The following ANKRD24 variants were observed in gnomAD, a reference collection of about 807,000 sequenced individuals.
ANKRD24 encodes the protein ankyrin repeat domain-containing protein 24.
In ANKRD24, 109 loss-of-function variants were observed where a neutral mutation model predicts 127.8. The ratio of observed to expected loss-of-function variants is 0.85; its 90% CI spans 0.73 to 1.00. ANKRD24 has a LOEUF of 1.00. ANKRD24 is among the 50% of genes least tolerant of loss of function. The probability of loss-of-function intolerance (pLI) is 0.00; values close to 1 mark genes in which losing one functional copy is unlikely to be tolerated. For missense variants in ANKRD24, 1,648 were observed against 1,570.2 expected (o/e 1.05, Z -0.84); for synonymous variants, 743 against 671.1 (o/e 1.11, Z -1.66).
At position 4,212,117 on chromosome 19, in the gene ANKRD24, G is replaced by A. The variant is rs370422230; in HGVS notation, c.1060-358G>A. Among the ~76,000 whole-genome samples the A allele has an allele frequency of 9.2e-5, 14 of 151,722 alleles. No homozygotes were observed. In the East Asian group the frequency reaches 9.8e-4, roughly 11 times the overall value. The stretch of plus-strand genomic sequence containing the variant: ...TAGGAGGCTGAGGCAGGAGGATGGC[G>A]TGAGCCCAAGAGACGCAGCTTGCAG... On this transcript the variant is annotated intron_variant, in intron 13 of 21. Coordinates refer to ENST00000318934, the MANE Select transcript of ANKRD24 (RefSeq NM_001393985.1).
At chr19:4,197,595 CAATG>C (rs1390538602) in intron 2 of ANKRD24, among the ~76,000 whole-genome samples, 1 of 151,496 alleles carries the variant, frequency 6.6e-6, no homozygotes, top group African/African-American at 2.4e-5. Flanking sequence ...TGGGTGAGAC[CAATG>C]AATGAATGAA....
rs1761136395 is a variant in ANKRD24 at position 4,207,324 on chromosome 19, G to C, written c.537+12G>C. On this transcript the variant is annotated intron_variant, in intron 8 of 21. Coordinates refer to ENST00000318934, the MANE Select transcript of ANKRD24 (RefSeq NM_001393985.1). ...ACCCCCAAGATCGGGTAAGCTTCTG[G>C]GATCTCTTCAGGGAAGATGTTATGC... 6.2e-7 allele frequency: 1 copy of C among 1,612,640 alleles called. No homozygotes were observed.
intron 5 of ANKRD24, among the ~76,000 whole-genome samples, chr19:4,200,396 C>G (rs1259922360): frequency 6.6e-6 from 1 of 151,982 alleles, no homozygotes; most frequent in Non-Finnish European, 1.5e-5. Context: ...CAGTGGACAG[C>G]TTGTGGATGG....
intron 7 of ANKRD24, among the ~76,000 whole-genome samples, chr19:4,203,580 C>A (rs1250856418): frequency 6.6e-6 from 1 of 152,092 alleles, no homozygotes; most frequent in Non-Finnish European, 1.5e-5. Flanking sequence ...AACTCCTGGG[C>A]TCAAATGATC....
intron 2 of ANKRD24, among the ~76,000 whole-genome samples, chr19:4,194,400 A>G (rs1417915972): frequency 6.6e-6 from 1 of 152,280 alleles, no homozygotes; most frequent in African/African-American, 2.4e-5. Flanking sequence ...CGATCAGCCC[A>G]CCTTGGCCTC....
intron 19 of ANKRD24, 140 bp downstream of exon 19, chr19:4,219,898 A>G (rs1970353663): frequency 1.9e-6 from 2 of 1,037,714 alleles, no homozygotes; most frequent in African/African-American, 3.2e-5. Flanking sequence ...CAGAAACGGA[A>G]GGGGACCTGG....
rs141261036 is a variant in ANKRD24 at position 4,223,039 on chromosome 19, G to A, written c.3297+244G>A. The stretch of plus-strand genomic sequence containing the variant: ...CAGCTCACTGCAGCCTCCACCTTCC[G>A]GGTTTAAGCAATTTTCATGCCTTAG... On this transcript the variant is annotated intron_variant, in intron 20 of 21. Transcript: ENST00000318934. Among the ~76,000 whole-genome samples the A allele has an allele frequency of 4.9e-4, 75 of 151,972 alleles. 1 individual carries two copies. The highest frequency in any genetic ancestry group is 4.7e-3 in the Admixed American group (72 of 15,240).
intron 11 of ANKRD24, among the ~76,000 whole-genome samples, 161 bp from the exon 12 acceptor site, chr19:4,209,897 C>T (rs1969609687): frequency 6.8e-6 from 1 of 147,664 alleles, no homozygotes; most frequent in Non-Finnish European, 1.5e-5. Context: ...GTCTTGTCTG[C>T]GCTTTGCTGG....
rs1968925224 is a variant in ANKRD24 at position 4,198,852 on chromosome 19, G to A, written c.37-831G>A. On this transcript the variant is annotated intron_variant, in intron 2 of 21. Transcript: ENST00000318934. The surrounding 1 kb of genome is among the most constrained non-coding windows in gnomAD (Gnocchi z 6.1). Reference sequence around the variant, plus strand: ...GGGTCATTGAGGGGACAACTTGGAAGCTATTTTGGGAGAGCCGATTTTGCG... The same window carrying A: ...GGGTCATTGAGGGGACAACTTGGAAACTATTTTGGGAGAGCCGATTTTGCG... Among the ~76,000 whole-genome samples the A allele has an allele frequency of 6.6e-6, 1 of 152,174 alleles. No homozygotes were observed. Among genetic ancestry groups the A allele is most frequent in the Admixed American group, 6.5e-5 (1 of 15,272 alleles).
At chr19:4,186,166 A>T (rs1184484482) in intron 1 of ANKRD24, 1 of 1,071,442 alleles carries the variant, frequency 9.3e-7, no homozygotes, top group South Asian at 1.8e-5. Context: ...TCAAGAAAGG[A>T]TCATTTCTGT....
At chr19:4,223,395 ATATATATTTT>A (rs1162793143) in intron 20 of ANKRD24, among the ~76,000 whole-genome samples, 4 of 59,000 alleles carry the variant, frequency 6.8e-5, no homozygotes, top group African/African-American at 3.3e-4. Context: ...ATATATATAT[ATATATATTTT>A]TTTTTTTTTT....
chr19:4,184,560 A>G (rs768465006), intron 1 of ANKRD24, among the ~76,000 whole-genome samples: 1 of 152,006 alleles, frequency 6.6e-6, no homozygotes, highest in Non-Finnish European at 1.5e-5. Flanking sequence ...CTTATTTACC[A>G]TCACCTCTTC....
Position 4,207,239 on chromosome 19 carries a change from C to T in ANKRD24, c.467-3C>T. On this transcript the variant is annotated splice_region_variant and splice_polypyrimidine_tract_variant and intron_variant, in intron 7 of 21. Coordinates refer to ENST00000318934, the MANE Select transcript of ANKRD24 (RefSeq NM_001393985.1). ...GCACCGGACAACCTTTTCTCTTTTG[C>T]AGCGGCTGGTGGCTGTCTCTCCTGC... 1 of 1,613,672 alleles carries T rather than the reference C, an allele frequency of 6.2e-7. No individual in the cohort carries two copies. The highest frequency in any genetic ancestry group is 8.5e-7 in the Non-Finnish European group (1 of 1,179,776).
chr19:4,224,698 A>G lies in ANKRD24; in HGVS notation c.*193A>G. The stretch of plus-strand genomic sequence containing the variant: ...CCCCACCTGGTCTCTGCACGCACAC[A>G]CTGGTCAGTCTGGACCCGGGCCGTG... On this transcript the variant is annotated 3_prime_UTR_variant, in exon 22 of 22. Coordinates refer to ENST00000318934, the MANE Select transcript of ANKRD24 (RefSeq NM_001393985.1). 3.2e-6 allele frequency: 2 copies of G among 619,540 alleles called. No individual in the cohort carries two copies. The highest frequency in any genetic ancestry group is 1.8e-5 in the African/African-American group (1 of 54,750). 38.4% of individuals were successfully genotyped at this position (619,540 alleles called of 1,614,324 possible). A position where few individuals can be genotyped will look rare whatever the true frequency, so the allele number is the denominator to read the frequency against.
intron 19 of ANKRD24, among the ~76,000 whole-genome samples, chr19:4,220,047 C>T (rs1181427106): frequency 2.0e-5 from 3 of 152,124 alleles, no homozygotes; most frequent in Non-Finnish European, 4.4e-5. Context: ...GGCATGATCT[C>T]GGCTCACTGC....
Position 4,198,317 on chromosome 19 carries a change from G to A in ANKRD24, c.37-1366G>A, listed in dbSNP as rs1382525246. On this transcript the variant is annotated intron_variant, in intron 2 of 21. Coordinates refer to ENST00000318934, the MANE Select transcript of ANKRD24 (RefSeq NM_001393985.1). The surrounding 1 kb of genome is among the most constrained non-coding windows in gnomAD (Gnocchi z 6.1). The stretch of plus-strand genomic sequence containing the variant: ...CCGTGGGGGAGGGGGCTGGCGAGGA[G>A]GGCAAGGGGGAGGGGGCGGCACCAG... 4.8e-6 allele frequency: 2 copies of A among 416,136 alleles called. No individual in the cohort carries two copies. The highest frequency in any genetic ancestry group is 7.1e-5 in the East Asian group (2 of 28,010). The allele number at this position is 416,136 out of a possible 1,614,324, so 25.8% of individuals were successfully genotyped here.
chr19:4,224,764 T>C lies in ANKRD24; in HGVS notation c.*259T>C. The C allele has an allele frequency of 1.9e-6, 1 of 530,794 alleles. No homozygotes were observed. Among genetic ancestry groups the C allele is most frequent in the Non-Finnish European group, 3.4e-6 (1 of 294,872 alleles). 32.9% of individuals were successfully genotyped at this position (530,794 alleles called of 1,614,324 possible). On this transcript the variant is annotated 3_prime_UTR_variant, in exon 22 of 22. Transcript: ENST00000318934. Reference sequence around the variant, plus strand: ...CCACCGGAGACTGTGATTCCCTGTGTCCTCCACATCCAGACGCCAGCCCAG... The same window carrying C: ...CCACCGGAGACTGTGATTCCCTGTGCCCTCCACATCCAGACGCCAGCCCAG...
At position 4,216,842 on chromosome 19, in the gene ANKRD24, C is replaced by G. The variant is rs1970106408; in HGVS notation, c.1682C>G (p.Thr561Ser). ...GAAACCAAAGTTAACGGAGCCGAGA[C>G]CATAGATGAGGAGGCTGCAGGAGAT... ...APETKVNGAE[T>S]IDEEAAGDET... Residue 561 changes from threonine (T) to serine (S), a missense_variant, in exon 18 of 22, where the codon ACC (threonine) becomes AGC (serine). Physicochemically the swap from Thr to Ser is moderately conservative, Grantham distance 58. Transcript: ENST00000318934. 5 of 1,610,448 alleles carry G rather than the reference C, an allele frequency of 3.1e-6. No homozygotes were observed. Among genetic ancestry groups the G allele is most frequent in the Middle Eastern group, 3.3e-4 (2 of 6,048 alleles).
intron 21 of ANKRD24, 51 bp from the exon 22 acceptor site, chr19:4,224,377 G>A (rs1970626587): frequency 8.2e-6 from 13 of 1,582,294 alleles, no homozygotes; most frequent in Non-Finnish European, 1.1e-5. Flanking sequence ...AGGGACTTGG[G>A]GCAGCCATGG....
Sources: allele counts gnomAD v4.1 joint callset (sites outside exome capture counted in the v4.1 genomes callset), GRCh38; gene constraint gnomAD v4.1.1; non-coding constraint Gnocchi (gnomAD v3.1); transcripts MANE v1.5; gene names NCBI Gene and HGNC (gene_info 2026-07-23, HGNC 2026-07-21).